Variants in TFDP1 observed in about 807,000 individuals in gnomAD.
TFDP1 encodes the protein transcription factor Dp-1.
Under a neutral mutation model 48.0 loss-of-function variants are expected in TFDP1, and 6 were observed. The ratio of observed to expected loss-of-function variants is 0.13; its 90% CI spans 0.07 to 0.25. TFDP1 has a LOEUF of 0.25. Ranked by LOEUF, TFDP1 falls within the 10% of genes least tolerant of loss-of-function variation. The probability of loss-of-function intolerance (pLI) is 1.00; values close to 1 mark genes in which losing one functional copy is unlikely to be tolerated. For missense variants in TFDP1, 335 were observed against 543.0 expected (o/e 0.62, Z 3.81); for synonymous variants, 201 against 211.6 (o/e 0.95, Z 0.44).
At position 113,585,948 on chromosome 13, in the gene TFDP1, A is replaced by T. The variant is rs534483296; in HGVS notation, c.12+99A>T. The T allele has an allele frequency of 3.7e-6, 5 of 1,339,690 alleles. No homozygotes were observed. The African/African-American group carries it at 5.7e-5, about 15-fold the overall frequency. The allele number at this position is 1,339,690 out of a possible 1,614,324, so 83.0% of individuals were successfully genotyped here. On this transcript the variant is annotated intron_variant, in intron 2 of 11. Transcript: ENST00000375370. The stretch of plus-strand genomic sequence containing the variant: ...TTCAGAATGACAACACATAAGCTAC[A>T]GTAGTGTTTATTTTCAGACTTTTAA...
intron 2 of TFDP1, among the ~76,000 whole-genome samples, chr13:113,601,917 A>G (rs1362459842): frequency 1.5e-5 from 2 of 132,938 alleles, no homozygotes; most frequent in Non-Finnish European, 3.1e-5. Context: ...GGACAGAGCT[A>G]CTCCCTCTGT....
intron 2 of TFDP1, among the ~76,000 whole-genome samples, chr13:113,602,985 A>AAAAGC (rs58126506): frequency 6.8e-6 from 1 of 146,964 alleles, no homozygotes; most frequent in South Asian, 2.1e-4. Flanking sequence ...AAAAAAAAAA[A>AAAAGC]ACGTATAATT....
At chr13:113,632,957 G>T (rs1390825589) in intron 5 of TFDP1, among the ~76,000 whole-genome samples, 163 bp from the exon 6 acceptor site, 1 of 152,240 alleles carries the variant, frequency 6.6e-6, no homozygotes, top group Non-Finnish European at 1.5e-5. Flanking sequence ...TGGGGGCTGG[G>T]GCTAGGGGGT....
intron 11 of TFDP1, among the ~76,000 whole-genome samples, chr13:113,639,689 C>A (rs1269736837): frequency 6.6e-6 from 1 of 152,204 alleles, no homozygotes; most frequent in East Asian, 1.9e-4. Flanking sequence ...TTCTCAGTCC[C>A]CGCTGCCAGA....
chr13:113,636,797 A>T, intron 10 of TFDP1, 97 bp downstream of exon 10: 1 of 1,404,640 alleles, frequency 7.1e-7, no homozygotes, highest in Non-Finnish European at 9.5e-7. Flanking sequence ...TGTCTTGCTG[A>T]GATCAGGCCC....
In TFDP1 at chr13:113,615,750, T is replaced by A. The variant is rs182897415; in HGVS notation, c.79+4688T>A. Among the ~76,000 whole-genome samples the A allele has an allele frequency of 4.9e-4, 74 of 151,922 alleles. No individual in the cohort carries two copies. In the East Asian group the frequency reaches 8.9e-3, roughly 18 times the overall value. ...GAGACCCCATCTCTATAAAAAATTT[T>A]AAAAAAAAGTAGCCAAGCATGGTGG... On this transcript the variant is annotated intron_variant, in intron 3 of 11. Coordinates refer to ENST00000375370, the MANE Select transcript of TFDP1 (RefSeq NM_007111.5).
chr13:113,614,134 AGT>A (rs1427396132), intron 3 of TFDP1, among the ~76,000 whole-genome samples: 2 of 144,498 alleles, frequency 1.4e-5, no homozygotes, highest in Middle Eastern at 4.8e-3. Flanking sequence ...GTGTGCATGG[AGT>A]GTTATGTGCG....
intron 2 of TFDP1, among the ~76,000 whole-genome samples, chr13:113,602,823 C>G (rs535888995): frequency 2.6e-4 from 39 of 152,258 alleles, no homozygotes; most frequent in African/African-American, 8.9e-4. Flanking sequence ...CTGCAGGGCC[C>G]CTGCTGGGCC....
chr13:113,600,113 C>T (rs139077563), intron 2 of TFDP1, among the ~76,000 whole-genome samples: 223 of 141,232 alleles, frequency 1.6e-3, no homozygotes, highest in African/African-American at 5.3e-3. Context: ...AACCCAGGAC[C>T]GTGAGAGAGA....
chr13:113,634,056 A>G (rs371688284), intron 7 of TFDP1, 23 bp downstream of exon 7: 3 of 1,614,000 alleles, frequency 1.9e-6, no homozygotes, highest in Admixed American at 3.3e-5. Context: ...CCTTCCTTCA[A>G]CCTTGATTTC....
In TFDP1 at chr13:113,598,125, C is replaced by T. The variant is rs2048329211; in HGVS notation, c.12+12276C>T. 6.6e-6 allele frequency among the ~76,000 whole-genome samples: 1 copy of T among 152,132 alleles called. No individual in the cohort carries two copies. The highest frequency in any genetic ancestry group is 1.5e-5 in the Non-Finnish European group (1 of 68,028). ...CTGTGTTGGGAGCCACTTGCTGGTGCCTGGCCAAGTTCCCGTCTGGTCCCT... is the reference window on the plus strand; with the variant it reads ...CTGTGTTGGGAGCCACTTGCTGGTGTCTGGCCAAGTTCCCGTCTGGTCCCT... On this transcript the variant is annotated intron_variant, in intron 2 of 11. Coordinates refer to ENST00000375370, the MANE Select transcript of TFDP1 (RefSeq NM_007111.5). The surrounding 1 kb of genome is among the most constrained non-coding windows in gnomAD (Gnocchi z 4.2).
rs528796507 is a variant in TFDP1, at chr13:113,607,547, T to C, written c.13-3449T>C. Among the ~76,000 whole-genome samples the C allele has an allele frequency of 2.8e-4, 42 of 152,330 alleles. No homozygotes were observed. In the South Asian group the frequency reaches 6.8e-3, roughly 25 times the overall value. On this transcript the variant is annotated intron_variant, in intron 2 of 11. Transcript: ENST00000375370. The surrounding 1 kb of genome is among the most constrained non-coding windows in gnomAD (Gnocchi z 5.2). ...ACGTGTCGTCCTTGTTCTCTCCTCA[T>C]TGCTGCCGTCACTGTGTGCTGCGCA...
chr13:113,613,198 T>A (rs1214540852), intron 3 of TFDP1, among the ~76,000 whole-genome samples: 2 of 152,146 alleles, frequency 1.3e-5, no homozygotes, highest in Non-Finnish European at 2.9e-5. Context: ...GTATTTTTAG[T>A]AGAGATGGGG....
chr13:113,592,760 C>G (rs1246718054), intron 2 of TFDP1, among the ~76,000 whole-genome samples: 1 of 152,060 alleles, frequency 6.6e-6, no homozygotes, highest in Non-Finnish European at 1.5e-5. Flanking sequence ...GTGGCATATG[C>G]TGGTCCTCAG....
rs893104427 is a variant in TFDP1 at position 113,641,183 on chromosome 13, T to G, written c.*916T>G. The G allele has an allele frequency of 2.0e-5, 3 of 152,658 alleles. No homozygotes were observed. Among genetic ancestry groups the G allele is most frequent in the Admixed American group, 2.0e-4 (3 of 15,290 alleles). The allele number at this position is 152,658 out of a possible 1,614,324, so 9.5% of individuals were successfully genotyped here. On this transcript the variant is annotated 3_prime_UTR_variant, in exon 12 of 12. Coordinates refer to ENST00000375370, the MANE Select transcript of TFDP1 (RefSeq NM_007111.5). ...ATTGAAATTAAATATAGAGAATGTT[T>G]TAACAATTTTTTAACTCAAAATTTG... is the stretch of plus-strand genomic sequence containing the variant.
At chr13:113,628,894 G>A (rs1355540664) in intron 4 of TFDP1, among the ~76,000 whole-genome samples, 2 of 152,144 alleles carry the variant, frequency 1.3e-5, no homozygotes, top group Admixed American at 6.5e-5. Context: ...TGAGGCCGGG[G>A]GCCTGCTCCA....
intron 2 of TFDP1, among the ~76,000 whole-genome samples, chr13:113,590,827 G>A (rs1186865642): frequency 1.3e-5 from 2 of 151,738 alleles, no homozygotes; most frequent in African/African-American, 4.8e-5. Context: ...TGGCTAAGAG[G>A]GTGAAACCCC....
At chr13:113,624,695 G>A (rs192652754) in intron 4 of TFDP1, among the ~76,000 whole-genome samples, 184 of 137,464 alleles carry the variant, frequency 1.3e-3, no homozygotes, top group Middle Eastern at 6.0e-3. Context: ...ATGTCCTCAG[G>A]TGTCTCTCAG....
intron 2 of TFDP1, among the ~76,000 whole-genome samples, chr13:113,595,878 C>A (rs943628765): frequency 6.6e-6 from 1 of 152,154 alleles, no homozygotes. Flanking sequence ...GTCAGGATAT[C>A]GAGACCATCC....
Sources: gnomAD v4.1 joint callset for allele counts (sites outside exome capture counted in the v4.1 genomes callset) on GRCh38, gnomAD v4.1.1 for gene constraint, Gnocchi (gnomAD v3.1) non-coding constraint, MANE v1.5 for transcripts, NCBI Gene and HGNC (gene_info 2026-07-23, HGNC 2026-07-21) for gene names.